The following RRAGD variants were observed in gnomAD, a reference collection of about 807,000 sequenced individuals.
RRAGD encodes ras-related GTP-binding protein D.
Under a neutral mutation model 35.5 loss-of-function variants are expected in RRAGD, and 12 were observed. The observed-to-expected ratio is 0.34, with a 90% CI of 0.22 to 0.55. The LOEUF (loss-of-function observed/expected upper bound fraction) is 0.55, where lower values mean the gene tolerates loss of function less well. RRAGD is among the 20% of genes least tolerant of loss of function. RRAGD has a pLI of 0.91. For synonymous variants in RRAGD, 155 were observed against 178.9 expected, an observed-to-expected ratio of 0.87 and a Z score of 1.07; for missense variants, 324 against 490.1, an observed-to-expected ratio of 0.66 and a Z score of 3.20.
At chr6:89,387,809 A>G (rs563443110) in intron 1 of RRAGD, among the ~76,000 whole-genome samples, 1 of 152,172 alleles carries the variant, frequency 6.6e-6, no homozygotes, top group Non-Finnish European at 1.5e-5. Context: ...CAAAGGGGAC[A>G]GCTTTTGCTA....
chr6:89,390,922 C>T (rs1769220851), intron 1 of RRAGD, among the ~76,000 whole-genome samples: 1 of 151,798 alleles, frequency 6.6e-6, no homozygotes, highest in South Asian at 2.1e-4. Context: ...CATACAGTCA[C>T]CATATGACCT....
intron 1 of RRAGD, among the ~76,000 whole-genome samples, chr6:89,399,650 C>T (rs966168934): frequency 2.6e-5 from 4 of 151,914 alleles, no homozygotes; most frequent in Admixed American, 2.0e-4. Flanking sequence ...TGTAGTGGCT[C>T]GTGCCTATAG....
intron 6 of RRAGD, among the ~76,000 whole-genome samples, chr6:89,368,958 G>A (rs1768811547): frequency 6.6e-6 from 1 of 152,114 alleles, no homozygotes; most frequent in South Asian, 2.1e-4. Context: ...CACCAATTAG[G>A]ATAAGGTGGT....
At chr6:89,380,751 CA>C (rs1769028023) in intron 2 of RRAGD, among the ~76,000 whole-genome samples, 3 of 151,680 alleles carry the variant, frequency 2.0e-5, no homozygotes, top group Admixed American at 6.6e-5. Context: ...ACTAAAAATA[CA>C]AAAAATTAGC....
Position 89,412,238 on chromosome 6 carries a change from G to T in RRAGD, c.-245C>A. 2 of 266,232 alleles carry T rather than the reference G, an allele frequency of 7.5e-6. No individual in the cohort carries two copies. The highest frequency in any genetic ancestry group is 1.4e-5 in the Non-Finnish European group (2 of 146,760). 16.5% of individuals were successfully genotyped at this position (266,232 alleles called of 1,614,324 possible). A position where few individuals can be genotyped will look rare whatever the true frequency, so the allele number is the denominator to read the frequency against. On this transcript the variant is annotated 5_prime_UTR_variant, in exon 1 of 7. Transcript: ENST00000369415. This position sits in a 1 kb window ranked among gnomAD's most constrained non-coding sequence, Gnocchi z 4.2. ...CGGCGGAGGAGTCAGCCGGAGCGCG[G>T]CAGTTCCTCCCGGAGGAGGGAGAGA...
chr6:89,368,279 C>A (rs1768791933), intron 6 of RRAGD, 72 bp from the exon 7 acceptor site: 3 of 1,395,010 alleles, frequency 2.2e-6, no homozygotes, highest in South Asian at 1.3e-5. Context: ...GGACCCATGG[C>A]CAGGACAAGC....
intron 1 of RRAGD, among the ~76,000 whole-genome samples, chr6:89,396,941 A>G (rs995663046): frequency 5.9e-5 from 9 of 151,510 alleles, no homozygotes; most frequent in African/African-American, 2.2e-4. Context: ...GGGTTTCACC[A>G]TGTCGGCCAG....
intron 5 of RRAGD, among the ~76,000 whole-genome samples, chr6:89,376,510 G>A (rs957820210): frequency 5.9e-5 from 9 of 152,118 alleles, no homozygotes; most frequent in African/African-American, 1.9e-4. Flanking sequence ...TTACCTCATC[G>A]ATTAGATGAG....
At chr6:89,374,824 C>G (rs1768911058) in intron 5 of RRAGD, among the ~76,000 whole-genome samples, 1 of 151,822 alleles carries the variant, frequency 6.6e-6, no homozygotes, top group East Asian at 1.9e-4. Context: ...AAAGAAAAAC[C>G]TTTTAAGTGC....
chr6:89,383,216 T>C (rs181621186), intron 2 of RRAGD, among the ~76,000 whole-genome samples: 2 of 152,364 alleles, frequency 1.3e-5, no homozygotes, highest in East Asian at 3.9e-4. Flanking sequence ...AGAAAAGTGT[T>C]ATTGCTGTCT....
intron 4 of RRAGD, 112 bp from the exon 5 acceptor site, chr6:89,377,925 C>T (rs1166963147): frequency 2.6e-6 from 2 of 779,260 alleles, no homozygotes; most frequent in African/African-American, 1.8e-5. Context: ...GAGCAAAACT[C>T]GCTACTAAAA....
At chr6:89,408,291 G>C (rs920531753) in intron 1 of RRAGD, among the ~76,000 whole-genome samples, 4 of 152,150 alleles carry the variant, frequency 2.6e-5, no homozygotes, top group African/African-American at 9.7e-5. Context: ...TTCAGTATCA[G>C]TATAACTGTT....
chr6:89,370,216 C>G (rs1768832875), intron 6 of RRAGD, among the ~76,000 whole-genome samples: 1 of 152,158 alleles, frequency 6.6e-6, no homozygotes, highest in African/African-American at 2.4e-5. Flanking sequence ...ATTCCGTGAT[C>G]TATTATATAA....
chr6:89,375,555 A>G (rs1285844634), intron 5 of RRAGD, among the ~76,000 whole-genome samples: 1 of 152,228 alleles, frequency 6.6e-6, no homozygotes, highest in African/African-American at 2.4e-5. Context: ...GCACCAGGTC[A>G]CCTGATTCTA....
intron 4 of RRAGD, among the ~76,000 whole-genome samples, chr6:89,378,858 A>G (rs1768993687): frequency 1.5e-5 from 2 of 131,528 alleles, no homozygotes; most frequent in African/African-American, 3.6e-5. Context: ...CCTGGGCTCA[A>G]GTAAGTACTC....
chr6:89,403,543 A>G (rs1769518802), intron 1 of RRAGD, among the ~76,000 whole-genome samples: 1 of 151,970 alleles, frequency 6.6e-6, no homozygotes, highest in African/African-American at 2.4e-5. Context: ...GAATACTATA[A>G]GGCAACAAAG....
chr6:89,378,866 C>G (rs899848003), intron 4 of RRAGD, among the ~76,000 whole-genome samples: 5 of 152,142 alleles, frequency 3.3e-5, no homozygotes, highest in Admixed American at 1.3e-4. Context: ...CAAGTAAGTA[C>G]TCCTTCCACC....
At chr6:89,379,019 C>A (rs991529453) in intron 4 of RRAGD, among the ~76,000 whole-genome samples, 1 of 152,250 alleles carries the variant, frequency 6.6e-6, no homozygotes, top group African/African-American at 2.4e-5. Flanking sequence ...ACGCCTCAAC[C>A]TCCCAAAGTG....
At chr6:89,374,793 A>G (rs1768909828) in intron 5 of RRAGD, among the ~76,000 whole-genome samples, 1 of 152,036 alleles carries the variant, frequency 6.6e-6, no homozygotes, top group Admixed American at 6.5e-5. Flanking sequence ...GATTCAACTC[A>G]CTATAACCTA....
Sources: gnomAD v4.1 joint callset for allele counts (sites outside exome capture counted in the v4.1 genomes callset) on GRCh38, gnomAD v4.1.1 for gene constraint, Gnocchi (gnomAD v3.1) non-coding constraint, MANE v1.5 for transcripts, NCBI Gene and HGNC (gene_info 2026-07-23, HGNC 2026-07-21) for gene names.